FSIP2: variants seen among roughly 807,000 people sequenced by gnomAD.
FSIP2 encodes the protein fibrous sheath-interacting protein 2.
FSIP2 carries 367 observed loss-of-function variants against 510.5 expected under a neutral mutation model. The observed-to-expected ratio is 0.72, with a 90% CI of 0.66 to 0.78. The LOEUF is 0.78. Among genes scored for constraint, FSIP2 ranks in the 30% least tolerant of loss-of-function variants. The pLI is 0.00. For missense variants in FSIP2, 7,594 were observed against 7,901.7 expected (o/e 0.96, Z 1.48); for synonymous variants, 2,601 against 2,732.2 (o/e 0.95, Z 1.50).
chr2:185,761,863 TA>T (rs996418920), intron 10 of FSIP2, 108 bp from the exon 11 acceptor site: 20 of 558,724 alleles, frequency 3.6e-5, no homozygotes, highest in African/African-American at 3.1e-4. Context: ...AGTTACTGGT[TA>T]AAAGAGGGAA....
At chr2:185,746,933 T>G (rs1180146128) in intron 6 of FSIP2, 123 bp downstream of exon 6, 1 of 709,156 alleles carries the variant, frequency 1.4e-6, no homozygotes, top group African/African-American at 1.8e-5. Context: ...TTTGTTACCA[T>G]TAAATTTTCT....
intron 20 of FSIP2, among the ~76,000 whole-genome samples, chr2:185,827,092 G>A (rs1694024622): frequency 6.6e-6 from 1 of 151,762 alleles, no homozygotes; most frequent in Admixed American, 6.6e-5. Context: ...CATTGCCCTT[G>A]TAGTAAACCC....
intron 19 of FSIP2, among the ~76,000 whole-genome samples, chr2:185,819,725 G>T (rs1354176793): frequency 6.6e-6 from 1 of 151,842 alleles, no homozygotes; most frequent in Non-Finnish European, 1.5e-5. Flanking sequence ...AATACTTTGT[G>T]TTAGATGATT....
At position 185,746,749 on chromosome 2, in the gene FSIP2, A is replaced by G. The variant is rs891785416; in HGVS notation, c.698A>G (p.Glu233Gly). 12 of 1,532,708 alleles carry G rather than the reference A, an allele frequency of 7.8e-6. No homozygotes were observed. The African/African-American group carries it at 1.7e-4, about 21-fold the overall frequency. The allele number at this position is 1,532,708 out of a possible 1,614,324, so 94.9% of individuals were successfully genotyped here. Residue 233 changes from glutamate (E) to glycine (G), a missense_variant, in exon 6 of 23, where the codon GAA becomes GGA. Physicochemically the swap from Glu to Gly is moderately conservative, Grantham distance 98. Coordinates refer to ENST00000424728, the MANE Select transcript of FSIP2 (RefSeq NM_173651.4). The part of the protein sequence containing the change: ...EEQRLFLMDR[E>G]ERRQREHTRR... ...CAACGCCTATTCCTAATGGATAGAGAAGAAAGACGACAGCGGGAACACACA... is the reference window on the plus strand; with the variant it reads ...CAACGCCTATTCCTAATGGATAGAGGAGAAAGACGACAGCGGGAACACACA...
intron 13 of FSIP2, among the ~76,000 whole-genome samples, chr2:185,769,650 C>G (rs1187407392): frequency 1.3e-5 from 2 of 152,216 alleles, no homozygotes; most frequent in Admixed American, 6.5e-5. Flanking sequence ...TCAATTTTTG[C>G]CTTTGTTGCA....
At chr2:185,817,974 CTA>C (rs1693854515) in intron 19 of FSIP2, among the ~76,000 whole-genome samples, 1 of 151,832 alleles carries the variant, frequency 6.6e-6, no homozygotes, top group Non-Finnish European at 1.5e-5. Context: ...GCCGAAATAA[CTA>C]AAAGAGAAGA....
chr2:185,786,729 G>C (rs1049456493), intron 15 of FSIP2, among the ~76,000 whole-genome samples: 4 of 151,808 alleles, frequency 2.6e-5, no homozygotes, highest in African/African-American at 9.7e-5. Flanking sequence ...CTGAGACTTG[G>C]AACAGGCAAA....
rs189027563 is a variant in FSIP2 at position 185,800,554 on chromosome 2, G to T, written c.11248G>T (p.Val3750Phe). ...TAACCTACAGCTCTCCTCAAAATCA[G>T]TTTTTCTTCTCAATGTTGTATGTGA... is the stretch of plus-strand genomic sequence containing the variant. ...TNNLQLSSKS[V>F]FLLNVVCEKL... Residue 3750 changes from valine (V) to phenylalanine (F), a missense_variant, in exon 17 of 23, where the codon GTT (valine) becomes TTT (phenylalanine). By Grantham distance (50) the Val-to-Phe change is conservative. Coordinates refer to ENST00000424728, the MANE Select transcript of FSIP2 (RefSeq NM_173651.4). The T allele has an allele frequency of 8.5e-5, 130 of 1,528,024 alleles. No homozygotes were observed. In the African/African-American group the frequency reaches 1.7e-3, roughly 20 times the overall value. The allele number at this position is 1,528,024 out of a possible 1,614,324, so 94.7% of individuals were successfully genotyped here.
At chr2:185,785,398 G>T (rs1208672116) in intron 14 of FSIP2, among the ~76,000 whole-genome samples, 1 of 152,002 alleles carries the variant, frequency 6.6e-6, no homozygotes, top group African/African-American at 2.4e-5. Flanking sequence ...TTTCAGTCTG[G>T]CTATTTCTCA....
At chr2:185,775,383 T>C (rs1041938508) in intron 13 of FSIP2, among the ~76,000 whole-genome samples, 1 of 151,506 alleles carries the variant, frequency 6.6e-6, no homozygotes, top group African/African-American at 2.4e-5. Flanking sequence ...ATGTCTTCTT[T>C]TGAGAAGTGT....
chr2:185,772,549 C>A (rs774152733), intron 13 of FSIP2, among the ~76,000 whole-genome samples: 72 of 152,092 alleles, frequency 4.7e-4, no homozygotes, highest in Non-Finnish European at 7.8e-4. Context: ...TTTTAAACAG[C>A]CAGTTCTCAT....
Position 185,790,497 on chromosome 2 carries a change from A to C in FSIP2, c.3361A>C (p.Ile1121Leu). The C allele has an allele frequency of 1.3e-6, 2 of 1,534,288 alleles. No individual in the cohort carries two copies. Among genetic ancestry groups the C allele is most frequent in the Non-Finnish European group, 8.7e-7 (1 of 1,145,654 alleles). The stretch of plus-strand genomic sequence containing the variant: ...TATTTTAAAGGAAATGCTCAAGGAC[A>C]TATCTTCCGTTCCTTTTGGTCACTT... ...TSILKEMLKDISSVPFGHLDS... is the reference protein window; with the variant it reads ...TSILKEMLKDLSSVPFGHLDS... The change falls in exon 16 of 23, where the codon ATA becomes CTA. Residue 1121 changes from isoleucine (I) to leucine (L), a missense_variant. Coordinates refer to ENST00000424728, the MANE Select transcript of FSIP2 (RefSeq NM_173651.4).
Position 185,791,256 on chromosome 2 carries a change from A to T in FSIP2, c.4120A>T (p.Arg1374Ter). ...MLLSSENAHQ[R>*]SISLSSRKPK... ...GTTATCAAGTGAAAATGCACATCAA[A>T]GAAGCATTTCACTCTCTTCTCGTAA... is the stretch of plus-strand genomic sequence containing the variant. The change falls in exon 16 of 23, where the codon AGA (arginine) becomes TGA (stop). Residue 1374 changes from arginine (R) to a stop codon, truncating the protein, a stop_gained. Coordinates refer to ENST00000424728, the MANE Select transcript of FSIP2 (RefSeq NM_173651.4). LOFTEE classifies it high-confidence loss of function. The T allele has an allele frequency of 1.3e-6, 2 of 1,534,024 alleles. No homozygotes were observed. The highest frequency in any genetic ancestry group is 1.7e-6 in the Non-Finnish European group (2 of 1,145,450).
At chr2:185,767,842 T>C (rs1030366913) in intron 13 of FSIP2, among the ~76,000 whole-genome samples, 2 of 152,146 alleles carry the variant, frequency 1.3e-5, no homozygotes, top group Non-Finnish European at 2.9e-5. Flanking sequence ...CTCTTCAACA[T>C]ACTGAAAACA....
chr2:185,750,601 C>G (rs1484088431), intron 7 of FSIP2, among the ~76,000 whole-genome samples: 3 of 25,988 alleles, frequency 1.2e-4, no homozygotes, highest in Non-Finnish European at 1.5e-4. Flanking sequence ...ATGCATTTCT[C>G]TGTTTTTTTT....
At chr2:185,814,361 T>C (rs1338695829) in intron 18 of FSIP2, among the ~76,000 whole-genome samples, 1 of 152,050 alleles carries the variant, frequency 6.6e-6, no homozygotes, top group Non-Finnish European at 1.5e-5. Context: ...TAAACACTCA[T>C]TGAACATTTT....
In FSIP2 at chr2:185,810,885, C is replaced by T. The variant is rs1693714304; in HGVS notation, c.19827+1752C>T. 3.3e-5 allele frequency among the ~76,000 whole-genome samples: 5 copies of T among 151,958 alleles called. 1 individual carries two copies. The South Asian group carries it at 1.0e-3, about 32-fold the overall frequency. On this transcript the variant is annotated intron_variant, in intron 17 of 22. Coordinates refer to ENST00000424728, the MANE Select transcript of FSIP2 (RefSeq NM_173651.4). ...TATGAAGGCCAGGCTGATGAGGTCT[C>T]AGATGGAAATGAGGAATTTACTGGG...
At chr2:185,746,490 G>A (rs1692036742) in intron 5 of FSIP2, among the ~76,000 whole-genome samples, 179 bp from the exon 6 acceptor site, 1 of 152,056 alleles carries the variant, frequency 6.6e-6, no homozygotes, top group African/African-American at 2.4e-5. Context: ...AACATGGTGA[G>A]CTGGTGGGTT....
At chr2:185,809,677 A>T (rs1008456154) in intron 17 of FSIP2, among the ~76,000 whole-genome samples, 1 of 151,952 alleles carries the variant, frequency 6.6e-6, no homozygotes, top group African/African-American at 2.4e-5. Context: ...ATTTTACTTC[A>T]ATTATATTAG....
Sources: allele counts gnomAD v4.1 joint callset (sites outside exome capture counted in the v4.1 genomes callset), GRCh38; gene constraint gnomAD v4.1.1; transcripts MANE v1.5; gene names NCBI Gene and HGNC (gene_info 2026-07-23, HGNC 2026-07-21).